The following TNS2 variants were observed in gnomAD, a reference collection of about 807,000 sequenced individuals.
TNS2 encodes tensin 2, also known as tensin-2.
In TNS2, 77 loss-of-function variants were observed where a neutral mutation model predicts 155.7. The observed-to-expected ratio is 0.49, with a 90% CI of 0.41 to 0.60. The LOEUF is 0.60. Ranked by LOEUF, TNS2 falls within the 20% of genes least tolerant of loss-of-function variation. The pLI, the probability that TNS2 is intolerant of heterozygous loss-of-function variation, is 0.00. For synonymous variants in TNS2, 726 were observed against 763.9 expected (o/e 0.95, Z 0.82); for missense variants, 1,703 against 1,868.8 (o/e 0.91, Z 1.64).
At position 53,063,578 on chromosome 12, in the gene TNS2, C is replaced by A; in HGVS notation, c.4077C>A (p.Asp1359Glu). The change falls in exon 28 of 29, where the codon GAC becomes GAA. Residue 1359 changes from aspartate to glutamate, a missense_variant. Coordinates refer to ENST00000314250, the MANE Select transcript of TNS2 (RefSeq NM_170754.4). The surrounding 1 kb of genome is among the most constrained non-coding windows in gnomAD (Gnocchi z 5.6). The stretch of plus-strand genomic sequence containing the variant: ...CCTTCTGCAGATGGACCAACCCAGA[C>A]GGGACCACCTCCAAGTAAGCCTCCC... ...DPQDRRWTNP[D>E]GTTSKIFGFV... The A allele has an allele frequency of 6.2e-7, 1 of 1,613,892 alleles. No individual in the cohort carries two copies. The highest frequency in any genetic ancestry group is 2.2e-5 in the East Asian group (1 of 44,836).
upstream of TNS2, chr12:53,050,045 G>C: frequency 6.7e-7 from 1 of 1,481,588 alleles, no homozygotes; most frequent in Non-Finnish European, 8.9e-7. The surrounding 1 kb of genome is among the most constrained non-coding windows in gnomAD (Gnocchi z 4.7). Context: ...TCCAGGGCCG[G>C]GCTTCTCCTC....
intron 16 of TNS2, 31 bp downstream of exon 16, chr12:53,058,668 G>A (rs947646366): frequency 1.9e-6 from 3 of 1,613,990 alleles, no homozygotes; most frequent in Middle Eastern, 3.3e-4. Flanking sequence ...TGGGGACTGA[G>A]GGCCGCCTCT....
At chr12:53,056,990 A>G in intron 10 of TNS2, 23 bp from the exon 11 acceptor site, 1 of 1,609,260 alleles carries the variant, frequency 6.2e-7, no homozygotes, top group Non-Finnish European at 8.5e-7. Context: ...CCTAATCCCC[A>G]ACACTGGCCT....
chr12:53,061,653 A>C, intron 21 of TNS2, 162 bp from the exon 22 acceptor site: 1 of 1,393,880 alleles, frequency 7.2e-7, no homozygotes, highest in Non-Finnish European at 9.7e-7. Context: ...AACATGGTCA[A>C]AACCCCTGTG....
intron 8 of TNS2, 59 bp downstream of exon 8, chr12:53,055,295 C>T: frequency 6.4e-7 from 1 of 1,567,150 alleles, no homozygotes; most frequent in Non-Finnish European, 8.7e-7. Context: ...CCAGAAGCCC[C>T]CAGCTTCCTC....
At position 53,062,636 on chromosome 12, in the gene TNS2, CCCAGAGGCT is replaced by C; in HGVS notation, c.3767_3775del (p.Glu1256_Pro1258del). On this transcript the variant is annotated inframe_deletion, in exon 25 of 29. Transcript: ENST00000314250. Reference sequence around the variant, plus strand: ...TGCCCTCAGATCCTCTGGAAGAGACCCCAGAGGCTCCAGTGCCCACCAACATGAGCACAG... The same window carrying C: ...TGCCCTCAGATCCTCTGGAAGAGACCCCAGTGCCCACCAACATGAGCACAG... 1 of 1,613,976 alleles carries C rather than the reference CCCAGAGGCT, an allele frequency of 6.2e-7. No individual in the cohort carries two copies. Among genetic ancestry groups the C allele is most frequent in the Non-Finnish European group, 8.5e-7 (1 of 1,179,956 alleles).
upstream of TNS2, chr12:53,049,340 C>A: frequency 9.4e-7 from 1 of 1,065,602 alleles, no homozygotes; most frequent in Admixed American, 2.6e-5. Flanking sequence ...GGCTAGGGAT[C>A]TGTGAGATCA....
intron 3 of TNS2, 31 bp downstream of exon 3, chr12:53,052,523 G>A: frequency 6.2e-7 from 1 of 1,613,598 alleles, no homozygotes; most frequent in Non-Finnish European, 8.5e-7. Context: ...GATAGGGGGA[G>A]AGGGTCTGGA....
At chr12:53,053,642 G>A in intron 4 of TNS2, 132 bp from the exon 5 acceptor site, 1 of 1,437,132 alleles carries the variant, frequency 7.0e-7, no homozygotes, top group Non-Finnish European at 9.5e-7. Context: ...CTGGGGGTAG[G>A]ACTCCTCTCC....
intron 10 of TNS2, 93 bp downstream of exon 10, chr12:53,055,938 C>T (rs962196006): frequency 4.5e-6 from 6 of 1,334,362 alleles, no homozygotes; most frequent in South Asian, 2.8e-5. Flanking sequence ...CCCACCTCTT[C>T]GTTGAGAGTC....
rs543935811 is a variant in TNS2, at chr12:53,050,104, G to A, written c.-82G>A. 1,240 of 1,559,588 alleles carry A rather than the reference G, an allele frequency of 8.0e-4. 2 individuals carry two copies. The highest frequency in any genetic ancestry group is 9.0e-4 in the Non-Finnish European group (1,040 of 1,155,594). ...CCGCCCAGGGGAAGCGGCTGCCTCCGCCAGGCCGCTTCCAGGAAGCCCCGG... is the reference window on the plus strand; with the variant it reads ...CCGCCCAGGGGAAGCGGCTGCCTCCACCAGGCCGCTTCCAGGAAGCCCCGG... On this transcript the variant is annotated 5_prime_UTR_variant, in exon 1 of 29. Transcript: ENST00000314250. This position sits in a 1 kb window ranked among gnomAD's most constrained non-coding sequence, Gnocchi z 4.7.
intron 12 of TNS2, 40 bp from the exon 13 acceptor site, chr12:53,057,733 A>G (rs530351227): frequency 1.2e-6 from 2 of 1,613,826 alleles, no homozygotes; most frequent in Non-Finnish European, 1.7e-6. Flanking sequence ...GGCCCTCTCC[A>G]CTCAGCACCC....
intron 2 of TNS2, 141 bp downstream of exon 2, chr12:53,052,104 C>A: frequency 1.4e-6 from 1 of 728,148 alleles, no homozygotes; most frequent in Non-Finnish European, 2.2e-6. Flanking sequence ...AAGCAGCTGC[C>A]TCCCCCTTCA....
Position 53,050,071 on chromosome 12 carries a change from C to G in TNS2, c.-115C>G. 6.5e-7 allele frequency: 1 copy of G among 1,528,086 alleles called. No homozygotes were observed. The highest frequency in any genetic ancestry group is 8.8e-7 in the Non-Finnish European group (1 of 1,140,846). 94.7% of individuals were successfully genotyped at this position (1,528,086 alleles called of 1,614,324 possible). A position where few individuals can be genotyped will look rare whatever the true frequency, so the allele number is the denominator to read the frequency against. On this transcript the variant is annotated 5_prime_UTR_variant, in exon 1 of 29. Transcript: ENST00000314250. The surrounding 1 kb of genome is among the most constrained non-coding windows in gnomAD (Gnocchi z 4.7). Reference sequence around the variant, plus strand: ...GCTTCTCCTCACACCAGCCAGACAGCCTACCCTCCGCCCAGGGGAAGCGGC... The same window carrying G: ...GCTTCTCCTCACACCAGCCAGACAGGCTACCCTCCGCCCAGGGGAAGCGGC...
chr12:53,048,697 A>G (rs149793987), upstream of TNS2, among the ~76,000 whole-genome samples: 1 of 152,300 alleles, frequency 6.6e-6, no homozygotes, highest in Non-Finnish European at 1.5e-5. Context: ...TGGCCTGGAA[A>G]ATTGGAGCTT....
Position 53,058,599 on chromosome 12 carries a change from T to C in TNS2, c.1253T>C (p.Val418Ala), listed in dbSNP as rs772001759. 26 of 1,613,920 alleles carry C rather than the reference T, an allele frequency of 1.6e-5. No individual in the cohort carries two copies. Among genetic ancestry groups the C allele is most frequent in the Non-Finnish European group, 2.2e-5 (26 of 1,179,980 alleles). Reference protein sequence around the residue: ...TDERFPFQASVEFVFSSSPEK... With the variant: ...TDERFPFQASAEFVFSSSPEK... The stretch of plus-strand genomic sequence containing the variant: ...GAGAGGTTCCCCTTCCAAGCCTCCG[T>C]GGAGTTTGTCTTCTCCTCCAGCCCC... Residue 418 changes from valine to alanine, a missense_variant, in exon 16 of 29, where the codon GTG becomes GCG. By Grantham distance (64) the Val-to-Ala change is moderately conservative. Coordinates refer to ENST00000314250, the MANE Select transcript of TNS2 (RefSeq NM_170754.4).
upstream of TNS2, among the ~76,000 whole-genome samples, chr12:53,048,454 C>T (rs1218475559): frequency 3.3e-5 from 5 of 152,228 alleles, no homozygotes; most frequent in African/African-American, 9.6e-5. Context: ...AAGCCACCCC[C>T]ACTGCCCACC....
chr12:53,052,174 A>G (rs902843854), intron 2 of TNS2: 1 of 609,632 alleles, frequency 1.6e-6, no homozygotes, highest in Admixed American at 3.0e-5. Context: ...AGTACTCTCC[A>G]TCACCTTCCC....
Position 53,059,543 on chromosome 12 carries a change from C to G in TNS2, c.1902C>G (p.Ala634=). The change falls in exon 18 of 29, where the codon GCC becomes GCG. Residue 634 remains alanine, a synonymous_variant. Coordinates refer to ENST00000314250, the MANE Select transcript of TNS2 (RefSeq NM_170754.4). The surrounding 1 kb of genome is among the most constrained non-coding windows in gnomAD (Gnocchi z 4.7). The stretch of plus-strand genomic sequence containing the variant: ...ATGAGGGATCCCCCCAGGGCTACGC[C>G]GAGGCCTCGATGGAGAAGAGGCGCC... The part of the protein sequence containing the change: ...GGYEGSPQGY[A]EASMEKRRLC... 6.3e-7 allele frequency: 1 copy of G among 1,591,720 alleles called. No individual in the cohort carries two copies. The highest frequency in any genetic ancestry group is 1.8e-5 in the Admixed American group (1 of 56,912).
Sources: gnomAD v4.1 joint callset for allele counts (sites outside exome capture counted in the v4.1 genomes callset) on GRCh38, gnomAD v4.1.1 for gene constraint, Gnocchi (gnomAD v3.1) non-coding constraint, MANE v1.5 for transcripts, NCBI Gene and HGNC (gene_info 2026-07-23, HGNC 2026-07-21) for gene names.